Variants in ESRP1 observed in about 807,000 individuals in gnomAD.
ESRP1 encodes the protein RNA-binding motif protein 35A.
Under a neutral mutation model 81.7 loss-of-function variants are expected in ESRP1, and 33 were observed. That is an observed-to-expected ratio of 0.40 (90% CI 0.31 to 0.54). ESRP1 has a LOEUF of 0.54. ESRP1 is among the 20% of genes least tolerant of loss of function. The probability of loss-of-function intolerance (pLI) is 0.41; values close to 1 mark genes in which losing one functional copy is unlikely to be tolerated. For synonymous variants in ESRP1, 320 were observed against 303.3 expected (o/e 1.06, Z -0.57); for missense variants, 672 against 833.1 (o/e 0.81, Z 2.38).
At chr8:94,653,815 A>ATG (rs1294604933) in intron 4 of ESRP1, among the ~76,000 whole-genome samples, 1 of 152,048 alleles carries the variant, frequency 6.6e-6, no homozygotes, top group Non-Finnish European at 1.5e-5. Flanking sequence ...ATATATATAT[A>ATG]TAAAATCAAG....
chr8:94,665,364 G>A (rs1201875392), intron 9 of ESRP1, among the ~76,000 whole-genome samples, 168 bp downstream of exon 9: 3 of 152,182 alleles, frequency 2.0e-5, no homozygotes, highest in African/African-American at 7.2e-5. Flanking sequence ...TAATAACAGT[G>A]AGCTTAATGT....
rs58359551 is a variant in ESRP1 at position 94,689,811 on chromosome 8, C to CTTTTTTTT, written c.1821-2848_1821-2841dup. On this transcript the variant is annotated intron_variant, in intron 13 of 15. Transcript: ENST00000433389. Reference sequence around the variant, plus strand: ...CACAGGCATGTGCTATGATGCCTGGCTTTTTTTTTTTTTTTTTTTTTTTTT... The same window carrying CTTTTTTTT: ...CACAGGCATGTGCTATGATGCCTGGCTTTTTTTTTTTTTTTTTTTTTTTTTTTTTTTTT... 6.0e-4 allele frequency among the ~76,000 whole-genome samples: 39 copies of CTTTTTTTT among 64,658 alleles called. 3 individuals are homozygous for CTTTTTTTT. Among genetic ancestry groups the CTTTTTTTT allele is most frequent in the African/African-American group, 1.9e-3 (27 of 14,510 alleles). The allele number at this position is 64,658 out of a possible 152,430, so 42.4% of individuals were successfully genotyped here. A position where few individuals can be genotyped will look rare whatever the true frequency, so the allele number is the denominator to read the frequency against.
At chr8:94,701,258 G>A (rs1809825263) in intron 15 of ESRP1, among the ~76,000 whole-genome samples, 1 of 146,180 alleles carries the variant, frequency 6.8e-6, no homozygotes, top group African/African-American at 2.6e-5. Flanking sequence ...CTGGGCGACA[G>A]AGCAAGACTC....
intron 10 of ESRP1, among the ~76,000 whole-genome samples, chr8:94,668,612 A>G (rs1819142255): frequency 6.6e-6 from 1 of 152,206 alleles, no homozygotes; most frequent in African/African-American, 2.4e-5. Context: ...TTTTTCTACC[A>G]GAAGAAATTT....
chr8:94,658,604 T>C (rs1818557124), intron 4 of ESRP1, among the ~76,000 whole-genome samples: 1 of 152,196 alleles, frequency 6.6e-6, no homozygotes, highest in African/African-American at 2.4e-5. Context: ...TAGGTAATCC[T>C]GCCATTAATA....
chr8:94,643,303 T>G lies in ESRP1; in HGVS notation c.262T>G (p.Phe88Val), dbSNP rs757172720. The change falls in exon 3 of 16, where the codon TTT becomes GTT. Residue 88 changes from phenylalanine (F) to valine (V), a missense_variant and splice_region_variant. By Grantham distance (50) the Phe-to-Val change is conservative. Coordinates refer to ENST00000433389, the MANE Select transcript of ESRP1 (RefSeq NM_017697.4). ...ASQLDQALRQ[F>V]NQSVSNELNI... ...CCCTATGTGTATCTTGTTCTTGCAG[T>G]TTAACCAGTCAGTGAGCAATGAACT... is the stretch of plus-strand genomic sequence containing the variant. 1 of 1,599,160 alleles carries G rather than the reference T, an allele frequency of 6.3e-7. No homozygotes were observed. Among genetic ancestry groups the G allele is most frequent in the Non-Finnish European group, 8.6e-7 (1 of 1,166,362 alleles).
In ESRP1 at chr8:94,706,131, C is replaced by A; in HGVS notation, c.*242C>A. ...TTACAGCAAGCAGCATGCAGCATAC[C>A]TGGCTCTTTGCTGATTGCAAATAGG... On this transcript the variant is annotated 3_prime_UTR_variant, in exon 16 of 16. Coordinates refer to ENST00000433389, the MANE Select transcript of ESRP1 (RefSeq NM_017697.4). 3.5e-6 allele frequency: 2 copies of A among 564,448 alleles called. No individual in the cohort carries two copies. The highest frequency in any genetic ancestry group is 6.2e-6 in the Non-Finnish European group (2 of 325,194). The allele number at this position is 564,448 out of a possible 1,614,324, so 35.0% of individuals were successfully genotyped here. A position where few individuals can be genotyped will look rare whatever the true frequency, so the allele number is the denominator to read the frequency against.
chr8:94,689,608 G>A lies in ESRP1; in HGVS notation c.1821-3069G>A, dbSNP rs374663424. ...TTTTATAATGTAAATTATTTTTGCT[G>A]ATTCTTATTTCAGTAATCCACAAAA... On this transcript the variant is annotated intron_variant, in intron 13 of 15. Coordinates refer to ENST00000433389, the MANE Select transcript of ESRP1 (RefSeq NM_017697.4). 1.1e-4 allele frequency among the ~76,000 whole-genome samples: 17 copies of A among 151,808 alleles called. No individual in the cohort carries two copies. The East Asian group carries it at 2.5e-3, about 22-fold the overall frequency.
chr8:94,668,003 G>A lies in ESRP1; in HGVS notation c.986G>A (p.Arg329His), dbSNP rs1344070630. ...FLSKENQVIVRMRGLPFTATA... is the reference protein window; with the variant it reads ...FLSKENQVIVHMRGLPFTATA... ...TCCAAGGAAAATCAAGTCATTGTCCGCATGCGGGGGCTCCCTTTCACGGCC... is the reference window on the plus strand; with the variant it reads ...TCCAAGGAAAATCAAGTCATTGTCCACATGCGGGGGCTCCCTTTCACGGCC... The change falls in exon 10 of 16, where the codon CGC (arginine) becomes CAC (histidine). Residue 329 changes from arginine to histidine, a missense_variant. Arg to His is a conservative substitution (Grantham distance 29, BLOSUM62 0). Coordinates refer to ENST00000433389, the MANE Select transcript of ESRP1 (RefSeq NM_017697.4). 3 of 1,612,400 alleles carry A rather than the reference G, an allele frequency of 1.9e-6. No individual in the cohort carries two copies. The highest frequency in any genetic ancestry group is 1.7e-5 in the Admixed American group (1 of 59,814).
intron 13 of ESRP1, among the ~76,000 whole-genome samples, chr8:94,689,249 C>CA (rs56220336): frequency 0.15 from 14,358 of 95,460 alleles, 838 homozygotes; most frequent in Non-Finnish European, 0.18. Flanking sequence ...ACTCAGTCTC[C>CA]AAAAAAAAAA....
chr8:94,700,853 C>T (rs150767233), intron 15 of ESRP1, among the ~76,000 whole-genome samples: 3,057 of 151,260 alleles, frequency 0.02, 93 homozygotes, highest in African/African-American at 0.069. Flanking sequence ...GGCATGAACC[C>T]GGAAGGCAGA....
chr8:94,670,684 A>G (rs560370720), intron 10 of ESRP1, among the ~76,000 whole-genome samples: 58 of 152,366 alleles, frequency 3.8e-4, no homozygotes, highest in African/African-American at 1.4e-3. Context: ...GCCTTGTAAT[A>G]TGAGTGTTGC....
At chr8:94,692,104 G>C (rs1210083058) in intron 13 of ESRP1, among the ~76,000 whole-genome samples, 1 of 152,130 alleles carries the variant, frequency 6.6e-6, no homozygotes, top group Non-Finnish European at 1.5e-5. Flanking sequence ...TAATTTTTAT[G>C]TATCTCTTCC....
At chr8:94,682,904 T>TTATTTATATATATA (rs1554579845) in intron 13 of ESRP1, among the ~76,000 whole-genome samples, 1 of 29,842 alleles carries the variant, frequency 3.4e-5, no homozygotes, top group African/African-American at 1.8e-4. Context: ...ATTCATTATT[T>TTATTTATATATATA]TATATATATA....
chr8:94,641,487 G>A (rs1446048572), intron 1 of ESRP1, 37 bp downstream of exon 1: 22 of 1,613,186 alleles, frequency 1.4e-5, no homozygotes, highest in Admixed American at 3.3e-5. Context: ...GCAAGGAATG[G>A]GGCAAGAAGT....
Position 94,662,573 on chromosome 8 carries a change from AT to A in ESRP1, c.644+21del. On this transcript the variant is annotated intron_variant, in intron 6 of 15. Transcript: ENST00000433389. ...GGAACTTGGTAAGTGCTTGAGTACTATTTATTTGAGCTTTTTAACTTGTTTT... is the reference window on the plus strand; with the variant it reads ...GGAACTTGGTAAGTGCTTGAGTACTATTATTTGAGCTTTTTAACTTGTTTT... The A allele has an allele frequency of 1.3e-6, 2 of 1,542,084 alleles. No homozygotes were observed. Among genetic ancestry groups the A allele is most frequent in the Non-Finnish European group, 1.8e-6 (2 of 1,136,572 alleles).
rs869078492 is a variant in ESRP1 at position 94,682,932 on chromosome 8, A to ATT, written c.1820+4589_1820+4590dup. Among the ~76,000 whole-genome samples, 84 of 18,090 alleles carry ATT rather than the reference A, an allele frequency of 4.6e-3. 12 individuals are homozygous for ATT. The highest frequency in any genetic ancestry group is 5.3e-3 in the Non-Finnish European group (64 of 12,130). 11.9% of individuals were successfully genotyped at this position (18,090 alleles called of 152,430 possible). On this transcript the variant is annotated intron_variant, in intron 13 of 15. Coordinates refer to ENST00000433389, the MANE Select transcript of ESRP1 (RefSeq NM_017697.4). ...TATATATATATATATATATATATAT[A>ATT]TTTTTTTTTTTTTTTTTTTTTTTTT...
At chr8:94,648,256 CA>C (rs1257210308) in intron 4 of ESRP1, among the ~76,000 whole-genome samples, 2 of 151,978 alleles carry the variant, frequency 1.3e-5, no homozygotes, top group African/African-American at 4.8e-5. Context: ...GACCCTGTCT[CA>C]AAAAAAGTGG....
At chr8:94,650,853 AGGC>A (rs1285760265) in intron 4 of ESRP1, among the ~76,000 whole-genome samples, 1 of 152,004 alleles carries the variant, frequency 6.6e-6, no homozygotes, top group East Asian at 1.9e-4. Context: ...CTGGGACTAC[AGGC>A]GCCCGCCCAT....
Sources: gnomAD v4.1 joint callset for allele counts (sites outside exome capture counted in the v4.1 genomes callset) on GRCh38, gnomAD v4.1.1 for gene constraint, MANE v1.5 for transcripts, NCBI Gene and HGNC (gene_info 2026-07-23, HGNC 2026-07-21) for gene names.